TENM4: variants seen among roughly 807,000 people sequenced by gnomAD.
The protein encoded by TENM4 is teneurin transmembrane protein 4, also known as teneurin-4.
In TENM4, 82 loss-of-function variants were observed where a neutral mutation model predicts 243.3. The ratio of observed to expected loss-of-function variants is 0.34; its 90% CI spans 0.28 to 0.40. TENM4 has a LOEUF of 0.40. Among genes scored for constraint, TENM4 ranks in the 10% least tolerant of loss-of-function variants. The pLI is 1.00. For synonymous variants in TENM4, 1,412 were observed against 1,456.3 expected (o/e 0.97, Z 0.69); for missense variants, 3,138 against 3,673.3 (o/e 0.85, Z 3.77).
chr11:78,813,966 A>G (rs1857552773), intron 13 of TENM4, among the ~76,000 whole-genome samples: 2 of 152,284 alleles, frequency 1.3e-5, no homozygotes, highest in Middle Eastern at 3.4e-3. Context: ...GATCATTGCT[A>G]TAAGAGGAAA....
At chr11:78,957,771 A>G (rs1180174219) in intron 6 of TENM4, among the ~76,000 whole-genome samples, 1 of 152,204 alleles carries the variant, frequency 6.6e-6, no homozygotes, top group African/African-American at 2.4e-5. Context: ...AAGCTGCACC[A>G]AAGTTTAGTG....
chr11:79,148,680 C>A, intron 4 of TENM4, 30 bp downstream of exon 4: 1 of 756,202 alleles, frequency 1.3e-6, no homozygotes, highest in South Asian at 6.0e-5. Flanking sequence ...ATCATGAATA[C>A]TCTCTGAAGT....
chr11:78,676,470 C>A, intron 29 of TENM4, 83 bp from the exon 30 acceptor site: 1 of 1,135,478 alleles, frequency 8.8e-7, no homozygotes, highest in Non-Finnish European at 1.2e-6. Flanking sequence ...GTGGAGGGGA[C>A]TTTAAAGGAT....
intron 25 of TENM4, among the ~76,000 whole-genome samples, chr11:78,716,526 A>G (rs2135820127): frequency 6.6e-6 from 1 of 152,326 alleles, no homozygotes; most frequent in African/African-American, 2.4e-5. Context: ...GTTCTGCTGA[A>G]TCAGCCTCCC....
chr11:78,983,390 T>C (rs1225264313), intron 6 of TENM4, among the ~76,000 whole-genome samples: 4 of 152,246 alleles, frequency 2.6e-5, no homozygotes, highest in Admixed American at 2.6e-4. Context: ...TAATATCTGT[T>C]TGCAGATGAT....
At chr11:78,884,516 T>C (rs899269186) in intron 9 of TENM4, among the ~76,000 whole-genome samples, 4 of 152,206 alleles carry the variant, frequency 2.6e-5, no homozygotes, top group Non-Finnish European at 5.9e-5. Context: ...TCCCAAGTCT[T>C]GGTTGCATCC....
chr11:78,705,564 G>C (rs982683192), intron 27 of TENM4, among the ~76,000 whole-genome samples: 1 of 152,200 alleles, frequency 6.6e-6, no homozygotes, highest in Admixed American at 6.5e-5. Flanking sequence ...AGGTCTTGCA[G>C]CTCCCACGTT....
rs567972320 is a variant in TENM4, at chr11:79,144,680, A to G, written c.-66+4030T>C. On this transcript the variant is annotated intron_variant, in intron 4 of 33. Coordinates refer to ENST00000278550, the MANE Select transcript of TENM4 (RefSeq NM_001098816.3). ...ATGTTAAGCAAAATAAGCCAGGCACAGAAAGACAAACTTTGCATGTTCTCA... is the reference window on the plus strand; with the variant it reads ...ATGTTAAGCAAAATAAGCCAGGCACGGAAAGACAAACTTTGCATGTTCTCA... Among the ~76,000 whole-genome samples the G allele has an allele frequency of 2.6e-5, 4 of 152,230 alleles. No individual in the cohort carries two copies. In the South Asian group the frequency reaches 8.3e-4, roughly 32 times the overall value.
rs377017486 is a variant in TENM4, at chr11:78,664,220, G to T, written c.7409-2629C>A. Among the ~76,000 whole-genome samples, 7 of 152,182 alleles carry T rather than the reference G, an allele frequency of 4.6e-5. No individual in the cohort carries two copies. The East Asian group carries it at 7.7e-4, about 17-fold the overall frequency. On this transcript the variant is annotated intron_variant, in intron 32 of 33. Transcript: ENST00000278550. The stretch of plus-strand genomic sequence containing the variant: ...GTTACCATTTGGTGGCAGTTATCGC[G>T]TGGCAGGAGCTATTCTAAGCTTATA...
At chr11:79,139,779 T>C (rs61882100) in intron 4 of TENM4, among the ~76,000 whole-genome samples, 1 of 27,846 alleles carries the variant, frequency 3.6e-5, no homozygotes, top group African/African-American at 1.9e-4. Flanking sequence ...AAATATATAA[T>C]ATATATTATA....
At chr11:78,954,764 C>G (rs1857174451) in intron 6 of TENM4, among the ~76,000 whole-genome samples, 1 of 152,182 alleles carries the variant, frequency 6.6e-6, no homozygotes, top group South Asian at 2.1e-4. Context: ...GAAAAGGCAG[C>G]AGTTTAAAGG....
chr11:79,057,585 C>T (rs755038516), intron 6 of TENM4, among the ~76,000 whole-genome samples: 4 of 152,166 alleles, frequency 2.6e-5, no homozygotes, highest in Non-Finnish European at 4.4e-5. Flanking sequence ...AGAGAAACAT[C>T]CTATGTTATT....
chr11:79,434,651 T>G (rs1859234061), intron 1 of TENM4, among the ~76,000 whole-genome samples: 1 of 152,220 alleles, frequency 6.6e-6, no homozygotes, highest in Non-Finnish European at 1.5e-5. Flanking sequence ...AATTCCCTGC[T>G]TGAAGTTTGA....
At chr11:79,124,893 A>ATATGTG (rs1555013196) in intron 4 of TENM4, among the ~76,000 whole-genome samples, 1 of 111,744 alleles carries the variant, frequency 8.9e-6, no homozygotes, top group African/African-American at 2.9e-5. Context: ...GTATATGTAT[A>ATATGTG]TGTGTGTGTG....
intron 2 of TENM4, among the ~76,000 whole-genome samples, chr11:79,268,426 G>A (rs1057244904): frequency 6.6e-6 from 1 of 152,212 alleles, no homozygotes; most frequent in Non-Finnish European, 1.5e-5. Context: ...CACTGGACAA[G>A]TCACTTCTTC....
At chr11:79,331,717 T>G (rs1857064614) in intron 1 of TENM4, among the ~76,000 whole-genome samples, 1 of 152,214 alleles carries the variant, frequency 6.6e-6, no homozygotes, top group Admixed American at 6.5e-5. Flanking sequence ...CTATAAATTG[T>G]CAAGCCTAAT....
At chr11:78,958,431 T>C (rs1857252096) in intron 6 of TENM4, among the ~76,000 whole-genome samples, 1 of 152,222 alleles carries the variant, frequency 6.6e-6, no homozygotes, top group Non-Finnish European at 1.5e-5. Context: ...TGTGACTAGT[T>C]GATATTTTAG....
chr11:78,971,861 A>C (rs895861250), intron 6 of TENM4, among the ~76,000 whole-genome samples: 2 of 152,210 alleles, frequency 1.3e-5, no homozygotes, highest in Non-Finnish European at 2.9e-5. Flanking sequence ...TAATGAAGGG[A>C]TAATGCTGAT....
At chr11:78,786,493 G>A (rs2136036474) in intron 16 of TENM4, among the ~76,000 whole-genome samples, 1 of 152,360 alleles carries the variant, frequency 6.6e-6, no homozygotes, top group East Asian at 1.9e-4. Context: ...GTCTTCACAT[G>A]TATTATTATC....
Sources: allele counts gnomAD v4.1 joint callset (sites outside exome capture counted in the v4.1 genomes callset), GRCh38; gene constraint gnomAD v4.1.1; transcripts MANE v1.5; gene names NCBI Gene and HGNC (gene_info 2026-07-23, HGNC 2026-07-21).